Variants in FLCN observed in about 807,000 individuals in gnomAD.
FLCN encodes folliculin.
In FLCN, 22 loss-of-function variants were observed where a neutral mutation model predicts 62.5. The observed-to-expected ratio is 0.35, with a 90% confidence interval of 0.25 to 0.50. The LOEUF (loss-of-function observed/expected upper bound fraction) is 0.50, where lower values mean the gene tolerates loss of function less well. FLCN is among the 20% of genes least tolerant of loss of function. The probability of loss-of-function intolerance (pLI) is 0.97; values close to 1 mark genes in which losing one functional copy is unlikely to be tolerated. For missense variants in FLCN, 657 were observed against 778.0 expected, an observed-to-expected ratio of 0.84 and a Z score of 1.85; for synonymous variants, 319 against 310.0, an observed-to-expected ratio of 1.03 and a Z score of -0.30.
intron 1 of FLCN, chr17:17,235,514 T>C (rs2047558578): frequency 6.6e-6 from 1 of 152,188 alleles, no homozygotes; most frequent in Non-Finnish European, 1.5e-5. Context: ...TGACTCTGAC[T>C]CCATGGATCA....
chr17:17,235,246 C>T (rs922186815), intron 1 of FLCN, among the ~76,000 whole-genome samples: 3 of 152,100 alleles, frequency 2.0e-5, no homozygotes, highest in Non-Finnish European at 4.4e-5. Context: ...CACCATTGCA[C>T]TCCAGCCTGG....
In FLCN at chr17:17,232,552, C is replaced by A. The variant is rs180858644; in HGVS notation, c.-114+236G>T. ...GTTTCAATAAAGGGCCCACAGGGTT[C>A]ACTATGATGAGTGGCTTAAAAATCT... is the stretch of plus-strand genomic sequence containing the variant. On this transcript the variant is annotated intron_variant, in intron 2 of 13. Transcript: ENST00000285071. Among the ~76,000 whole-genome samples the A allele has an allele frequency of 1.1e-3, 171 of 152,224 alleles. 1 individual carries two copies. Among genetic ancestry groups the A allele is most frequent in the Admixed American group, 4.1e-3 (63 of 15,288 alleles).
In FLCN at chr17:17,216,651, C is replaced by T; in HGVS notation, c.1177-148G>A. Reference sequence around the variant, plus strand: ...GAGGAGTCCCCAGACTCTCAGCCCACAGTGGGGGTGAGGGGGGAGGGTCCT... The same window carrying T: ...GAGGAGTCCCCAGACTCTCAGCCCATAGTGGGGGTGAGGGGGGAGGGTCCT... On this transcript the variant is annotated intron_variant, in intron 10 of 13. Coordinates refer to ENST00000285071, the MANE Select transcript of FLCN (RefSeq NM_144997.7). This position sits in a 1 kb window ranked among gnomAD's most constrained non-coding sequence, Gnocchi z 4.0. 7.7e-7 allele frequency: 1 copy of T among 1,302,916 alleles called. No individual in the cohort carries two copies. Among genetic ancestry groups the T allele is most frequent in the Admixed American group, 2.0e-5 (1 of 48,842 alleles). The allele number at this position is 1,302,916 out of a possible 1,614,324, so 80.7% of individuals were successfully genotyped here. A position where few individuals can be genotyped will look rare whatever the true frequency, so the allele number is the denominator to read the frequency against.
rs112111994 is a variant in FLCN at position 17,214,971 on chromosome 17, A to C, written c.1538+14T>G. On this transcript the variant is annotated intron_variant, in intron 13 of 13. Coordinates refer to ENST00000285071, the MANE Select transcript of FLCN (RefSeq NM_144997.7). Reference sequence around the variant, plus strand: ...GGTCGCAAGCAAAGGGGCCTCACCCACACTGTTGCTTACTTCATCCACTCC... The same window carrying C: ...GGTCGCAAGCAAAGGGGCCTCACCCCCACTGTTGCTTACTTCATCCACTCC... 1.5e-3 allele frequency: 2,395 copies of C among 1,612,526 alleles called. 15 individuals are homozygous for C. In the African/African-American group the frequency reaches 0.023, roughly 15 times the overall value.
In FLCN at chr17:17,216,991, C is replaced by T; in HGVS notation, c.1176+78G>A. On this transcript the variant is annotated intron_variant, in intron 10 of 13. Transcript: ENST00000285071. The surrounding 1 kb of genome is among the most constrained non-coding windows in gnomAD (Gnocchi z 4.0). ...GGTTCTGTGCTGGGCAGTCGGTGCA[C>T]CTTGGCATCCCCACCTGACGCCAGG... 1 of 1,079,100 alleles carries T rather than the reference C, an allele frequency of 9.3e-7. No individual in the cohort carries two copies. Among genetic ancestry groups the T allele is most frequent in the East Asian group, 2.4e-5 (1 of 41,986 alleles). 66.8% of individuals were successfully genotyped at this position (1,079,100 alleles called of 1,614,324 possible).
chr17:17,216,654 T>A lies in FLCN; in HGVS notation c.1177-151A>T. Reference sequence around the variant, plus strand: ...GAGTCCCCAGACTCTCAGCCCACAGTGGGGGTGAGGGGGGAGGGTCCTCCA... The same window carrying A: ...GAGTCCCCAGACTCTCAGCCCACAGAGGGGGTGAGGGGGGAGGGTCCTCCA... On this transcript the variant is annotated intron_variant, in intron 10 of 13. Transcript: ENST00000285071. The surrounding 1 kb of genome is among the most constrained non-coding windows in gnomAD (Gnocchi z 4.0). The A allele has an allele frequency of 7.8e-7, 1 of 1,279,382 alleles. No homozygotes were observed. Among genetic ancestry groups the A allele is most frequent in the South Asian group, 1.4e-5 (1 of 73,922 alleles). 79.3% of individuals were successfully genotyped at this position (1,279,382 alleles called of 1,614,324 possible).
intron 1 of FLCN, among the ~76,000 whole-genome samples, chr17:17,236,503 A>G (rs79397025): frequency 0.023 from 3,444 of 152,248 alleles, 123 homozygotes; most frequent in African/African-American, 0.078. Flanking sequence ...AAGCCAATCC[A>G]TTCTTTCCAG....
In FLCN at chr17:17,237,097, C is replaced by G. The variant is rs2047602853; in HGVS notation, c.-413G>C. On this transcript the variant is annotated 5_prime_UTR_variant, in exon 1 of 14. Transcript: ENST00000285071. ...CCCGGGGTGGCGAGGCTCTCAAGCCCGGGTTCAGGCTCTCAGGGGAGCTGG... is the reference window on the plus strand; with the variant it reads ...CCCGGGGTGGCGAGGCTCTCAAGCCGGGGTTCAGGCTCTCAGGGGAGCTGG... 1 of 152,214 alleles carries G rather than the reference C, an allele frequency of 6.6e-6. No individual in the cohort carries two copies. The highest frequency in any genetic ancestry group is 6.5e-5 in the Admixed American group (1 of 15,284). The allele number at this position is 152,214 out of a possible 1,614,324, so 9.4% of individuals were successfully genotyped here.
chr17:17,233,422 C>T (rs942592524), intron 1 of FLCN, among the ~76,000 whole-genome samples: 1 of 151,566 alleles, frequency 6.6e-6, no homozygotes, highest in East Asian at 2.0e-4. Context: ...ATGGTGAAAC[C>T]CCATCTCTAC....
Position 17,219,011 on chromosome 17 carries a change from C to A in FLCN, c.1062+8G>T. 1 of 1,612,826 alleles carries A rather than the reference C, an allele frequency of 6.2e-7. No individual in the cohort carries two copies. Among genetic ancestry groups the A allele is most frequent in the Non-Finnish European group, 8.5e-7 (1 of 1,179,862 alleles). ...GAGCTCCTGATGCGCTGTGCCCCTGCCGCCTACCTGCCTCATGTGCCGGAG... is the reference window on the plus strand; with the variant it reads ...GAGCTCCTGATGCGCTGTGCCCCTGACGCCTACCTGCCTCATGTGCCGGAG... On this transcript the variant is annotated splice_region_variant and intron_variant, in intron 9 of 13. Transcript: ENST00000285071.
In FLCN at chr17:17,232,453, C is replaced by T. The variant is rs538197533; in HGVS notation, c.-114+335G>A. Among the ~76,000 whole-genome samples, 142 of 152,210 alleles carry T rather than the reference C, an allele frequency of 9.3e-4. 1 individual carries two copies. Among genetic ancestry groups the T allele is most frequent in the African/African-American group, 2.1e-3 (87 of 41,524 alleles). The stretch of plus-strand genomic sequence containing the variant: ...CCAAGAAAGGGGCGGAATCTAGGGG[C>T]GGCAGAGGTTCAGGAGCCACAGCTG... On this transcript the variant is annotated intron_variant, in intron 2 of 13. Coordinates refer to ENST00000285071, the MANE Select transcript of FLCN (RefSeq NM_144997.7).
chr17:17,230,352 GAAAC>G (rs2047383492), intron 3 of FLCN, among the ~76,000 whole-genome samples: 3 of 151,958 alleles, frequency 2.0e-5, no homozygotes, highest in Non-Finnish European at 4.4e-5. Context: ...CCGACGCAGT[GAAAC>G]CCTGCCTCTA....
At position 17,212,411 on chromosome 17, in the gene FLCN, G is replaced by A. The variant is rs554751440; in HGVS notation, c.*1244C>T. 5.3e-4 allele frequency: 89 copies of A among 168,714 alleles called. No homozygotes were observed. The highest frequency in any genetic ancestry group is 2.0e-3 in the African/African-American group (83 of 40,768). 10.5% of individuals were successfully genotyped at this position (168,714 alleles called of 1,614,324 possible). On this transcript the variant is annotated 3_prime_UTR_variant, in exon 14 of 14. Coordinates refer to ENST00000285071, the MANE Select transcript of FLCN (RefSeq NM_144997.7). ...GTACCTGTAGCTGTATGTTGAAGCA[G>A]GAGGACTGCTTGAACTCAGGAGTTC...
At chr17:17,224,530 A>G in intron 5 of FLCN, 1 of 366,626 alleles carries the variant, frequency 2.7e-6, no homozygotes, top group Non-Finnish European at 5.2e-6. Flanking sequence ...CGCACATTTT[A>G]TTCTTTCTTT....
chr17:17,235,412 T>G (rs1415125458), intron 1 of FLCN: 3 of 152,234 alleles, frequency 2.0e-5, no homozygotes, highest in Non-Finnish European at 4.4e-5. Context: ...ATCGCATCAC[T>G]GCACTCCAGC....
At chr17:17,226,044 G>T in intron 5 of FLCN, 132 bp downstream of exon 5, 1 of 1,276,328 alleles carries the variant, frequency 7.8e-7, no homozygotes, top group Non-Finnish European at 1.1e-6. Flanking sequence ...CCTGTGCTGT[G>T]CTGATCTGCG....
intron 7 of FLCN, 105 bp from the exon 8 acceptor site, chr17:17,221,733 A>G: frequency 8.1e-7 from 1 of 1,238,186 alleles, no homozygotes; most frequent in Non-Finnish European, 1.1e-6. Context: ...AATGGGTATA[A>G]AAGAACACCA....
intron 7 of FLCN, 143 bp downstream of exon 7, chr17:17,222,358 A>G: frequency 8.7e-7 from 1 of 1,145,974 alleles, no homozygotes; most frequent in Admixed American, 2.0e-5. Context: ...GCTCACTGAC[A>G]AGTGCCCACA....
chr17:17,216,593 C>T lies in FLCN; in HGVS notation c.1177-90G>A. 1 of 1,577,810 alleles carries T rather than the reference C, an allele frequency of 6.3e-7. No homozygotes were observed. The highest frequency in any genetic ancestry group is 8.6e-7 in the Non-Finnish European group (1 of 1,165,670). On this transcript the variant is annotated intron_variant, in intron 10 of 13. Coordinates refer to ENST00000285071, the MANE Select transcript of FLCN (RefSeq NM_144997.7). This position sits in a 1 kb window ranked among gnomAD's most constrained non-coding sequence, Gnocchi z 4.0. ...TCTACTACCCAAACCCCACACGCCT[C>T]CTGCAGCCCGGTCCAAGCCCTCCCT...
Sources: gnomAD v4.1 joint callset for allele counts (sites outside exome capture counted in the v4.1 genomes callset) on GRCh38, gnomAD v4.1.1 for gene constraint, Gnocchi (gnomAD v3.1) non-coding constraint, MANE v1.5 for transcripts, NCBI Gene and HGNC (gene_info 2026-07-23, HGNC 2026-07-21) for gene names.